The following FAM135B variants were observed in gnomAD, a reference collection of about 807,000 sequenced individuals.
The protein encoded by FAM135B is protein FAM135B.
A neutral mutation model predicts 127.7 loss-of-function variants in FAM135B; 43 were observed. The ratio of observed to expected loss-of-function variants is 0.34; its 90% CI spans 0.26 to 0.43. FAM135B has a LOEUF of 0.43. FAM135B is among the 20% of genes least tolerant of loss of function. FAM135B has a pLI of 1.00. For synonymous variants in FAM135B, 670 were observed against 665.1 expected (o/e 1.01, Z -0.11); for missense variants, 1,558 against 1,725.6 (o/e 0.90, Z 1.72).
intron 7 of FAM135B, among the ~76,000 whole-genome samples, chr8:138,220,685 G>A (rs1192486317): frequency 6.6e-6 from 1 of 152,126 alleles, no homozygotes; most frequent in Non-Finnish European, 1.5e-5. Context: ...TAACAAAATT[G>A]AAAACGGCTA....
At chr8:138,169,476 C>T (rs952135618) in intron 11 of FAM135B, among the ~76,000 whole-genome samples, 4 of 151,504 alleles carry the variant, frequency 2.6e-5, no homozygotes, top group African/African-American at 7.3e-5. Context: ...ATGTTCTTCT[C>T]GGATTATTTA....
intron 3 of FAM135B, among the ~76,000 whole-genome samples, chr8:138,275,234 C>T (rs180775450): frequency 1.8e-4 from 28 of 152,302 alleles, no homozygotes; most frequent in African/African-American, 5.8e-4. Context: ...CCTGACTTCC[C>T]GCAACAGCAC....
At chr8:138,258,803 C>CCACACACACACACACACACACACACACA (rs57817492) in intron 4 of FAM135B, among the ~76,000 whole-genome samples, 2 of 146,526 alleles carry the variant, frequency 1.4e-5, no homozygotes, top group Admixed American at 6.8e-5. Context: ...GACACACACA[C>CCACACACACACACACACACACACACACA]CACACACACA....
At chr8:138,445,326 C>T (rs925916753) in intron 1 of FAM135B, among the ~76,000 whole-genome samples, 2 of 152,154 alleles carry the variant, frequency 1.3e-5, no homozygotes, top group African/African-American at 4.8e-5. Flanking sequence ...ATTCTGATAC[C>T]AAAGCCTGGC....
chr8:138,139,748 A>G (rs1373517623), intron 17 of FAM135B, among the ~76,000 whole-genome samples: 2 of 152,218 alleles, frequency 1.3e-5, no homozygotes, highest in African/African-American at 2.4e-5. Context: ...CCTGGGCGAC[A>G]AAAGCAAGAC....
intron 7 of FAM135B, among the ~76,000 whole-genome samples, chr8:138,201,627 G>T (rs1023136797): frequency 1.3e-5 from 2 of 152,146 alleles, no homozygotes; most frequent in African/African-American, 4.8e-5. Flanking sequence ...CATTAGAATT[G>T]CATGAAGAGC....
chr8:138,202,875 C>T (rs1054179523), intron 7 of FAM135B, among the ~76,000 whole-genome samples: 2 of 152,036 alleles, frequency 1.3e-5, no homozygotes, highest in Admixed American at 6.5e-5. Flanking sequence ...TGGGGAACTC[C>T]GCAGGGACAC....
rs576564537 is a variant in FAM135B, at chr8:138,428,866, T to C, written c.-19-60864A>G. On this transcript the variant is annotated intron_variant, in intron 1 of 19. Transcript: ENST00000395297. ...CTCGAAATTTAATTTGAATATCTCA[T>C]TCTCTGGGGAGTCTTATCAGATCAT... 2.0e-5 allele frequency among the ~76,000 whole-genome samples: 3 copies of C among 152,330 alleles called. No individual in the cohort carries two copies. The East Asian group carries it at 5.8e-4, about 29-fold the overall frequency.
intron 1 of FAM135B, among the ~76,000 whole-genome samples, chr8:138,401,074 T>C (rs748913437): frequency 3.9e-5 from 6 of 152,158 alleles, no homozygotes; most frequent in Non-Finnish European, 8.8e-5. Context: ...ATTATAAACC[T>C]AGGCAAGCTT....
At position 138,283,426 on chromosome 8, in the gene FAM135B, A is replaced by AT. The variant is rs1457023079; in HGVS notation, c.158-17585_158-17584insA. 2.0e-4 allele frequency among the ~76,000 whole-genome samples: 31 copies of AT among 151,894 alleles called. 1 individual carries two copies. The South Asian group carries it at 6.3e-3, about 31-fold the overall frequency. On this transcript the variant is annotated intron_variant, in intron 3 of 19. Coordinates refer to ENST00000395297, the MANE Select transcript of FAM135B (RefSeq NM_015912.4). ...AGACAAAACTATGGATACAGTAAAAAAAAAAAATAGTGGTTTTTCAGGGTT... is the reference window on the plus strand; with the variant it reads ...AGACAAAACTATGGATACAGTAAAAATAAAAAAATAGTGGTTTTTCAGGGTT...
Position 138,490,796 on chromosome 8 carries a change from G to A in FAM135B, c.-20+5875C>T, listed in dbSNP as rs140802223. On this transcript the variant is annotated intron_variant, in intron 1 of 19. Transcript: ENST00000395297. Reference sequence around the variant, plus strand: ...GAGAATATGACTTAGAGAATATGACGTCACTTCAACGTCTGCTAAATATAA... The same window carrying A: ...GAGAATATGACTTAGAGAATATGACATCACTTCAACGTCTGCTAAATATAA... Among the ~76,000 whole-genome samples the A allele has an allele frequency of 2.7e-3, 408 of 152,186 alleles. 2 individuals carry two copies. The highest frequency in any genetic ancestry group is 9.4e-3 in the African/African-American group (392 of 41,520).
At chr8:138,169,561 C>A (rs1287963215) in intron 11 of FAM135B, among the ~76,000 whole-genome samples, 1 of 150,240 alleles carries the variant, frequency 6.7e-6, no homozygotes, top group Non-Finnish European at 1.5e-5. Flanking sequence ...TTTAAATATT[C>A]TTCTCAGCAT....
chr8:138,225,434 C>T (rs28413948), intron 7 of FAM135B, among the ~76,000 whole-genome samples: 25,142 of 149,034 alleles, frequency 0.17, 2,644 homozygotes, highest in African/African-American at 0.29. Context: ...AAATAAATGT[C>T]TGCTATTTAA....
rs908081220 is a variant in FAM135B, at chr8:138,288,199, G to A, written c.158-22357C>T. ...CATTCATGAAATAAATTATTACTGAGTGCCCAGTTTGTACCAAGCACAACA... is the reference window on the plus strand; with the variant it reads ...CATTCATGAAATAAATTATTACTGAATGCCCAGTTTGTACCAAGCACAACA... On this transcript the variant is annotated intron_variant, in intron 3 of 19. Coordinates refer to ENST00000395297, the MANE Select transcript of FAM135B (RefSeq NM_015912.4). Among the ~76,000 whole-genome samples, 21 of 152,240 alleles carry A rather than the reference G, an allele frequency of 1.4e-4. No homozygotes were observed. The South Asian group carries it at 3.5e-3, about 26-fold the overall frequency.
chr8:138,233,115 G>A (rs9650561), intron 7 of FAM135B, among the ~76,000 whole-genome samples: 29,095 of 152,098 alleles, frequency 0.19, 3,087 homozygotes, highest in Non-Finnish European at 0.23. Flanking sequence ...ATCTCAAATA[G>A]CCAAAGCAAA....
intron 11 of FAM135B, among the ~76,000 whole-genome samples, chr8:138,174,129 C>G (rs2130942633): frequency 6.6e-6 from 1 of 152,272 alleles, no homozygotes; most frequent in South Asian, 2.1e-4. Context: ...CTACTCCCTC[C>G]TATCCTATCC....
chr8:138,331,711 C>T (rs1400312668), intron 2 of FAM135B, among the ~76,000 whole-genome samples: 2 of 152,174 alleles, frequency 1.3e-5, no homozygotes, highest in African/African-American at 4.8e-5. Flanking sequence ...TCCCCAAAGC[C>T]TGCATTTTGC....
intron 1 of FAM135B, among the ~76,000 whole-genome samples, chr8:138,433,959 G>C (rs948910363): frequency 6.6e-6 from 1 of 152,164 alleles, no homozygotes; most frequent in African/African-American, 2.4e-5. Context: ...AGACACAAAC[G>C]CATCCACCTT....
intron 1 of FAM135B, among the ~76,000 whole-genome samples, chr8:138,376,040 C>G (rs1034524105): frequency 1.3e-5 from 2 of 152,180 alleles, no homozygotes; most frequent in Non-Finnish European, 2.9e-5. Flanking sequence ...GTCGCCCAAG[C>G]TGGAGTGAGG....
Sources: gnomAD v4.1 joint callset for allele counts (sites outside exome capture counted in the v4.1 genomes callset) on GRCh38, gnomAD v4.1.1 for gene constraint, MANE v1.5 for transcripts, NCBI Gene and HGNC (gene_info 2026-07-23, HGNC 2026-07-21) for gene names.